The following HS3ST4 variants were observed in gnomAD, a reference collection of about 807,000 sequenced individuals.
HS3ST4 encodes the protein heparan sulfate glucosamine 3-O-sulfotransferase 4.
A neutral mutation model predicts 29.2 loss-of-function variants in HS3ST4; 17 were observed. That is an observed-to-expected ratio of 0.58 (90% CI 0.40 to 0.87). The LOEUF is 0.87. Among genes scored for constraint, HS3ST4 ranks in the 40% least tolerant of loss-of-function variants. The pLI is 0.00. For missense variants in HS3ST4, 627 were observed against 634.5 expected (o/e 0.99, Z 0.13); for synonymous variants, 314 against 285.7 (o/e 1.10, Z -1.00).
chr16:25,778,093 T>C (rs1007101038), intron 1 of HS3ST4, among the ~76,000 whole-genome samples: 2 of 152,108 alleles, frequency 1.3e-5, no homozygotes, highest in African/African-American at 4.8e-5. Flanking sequence ...TGCTGTTTGA[T>C]ATTTTAAAAA....
At chr16:25,928,379 A>G (rs1177431925) in intron 1 of HS3ST4, among the ~76,000 whole-genome samples, 2 of 152,086 alleles carry the variant, frequency 1.3e-5, no homozygotes, top group Non-Finnish European at 2.9e-5. Context: ...AAAAAATAAA[A>G]TAGAAGGAAA....
intron 1 of HS3ST4, among the ~76,000 whole-genome samples, chr16:25,960,010 C>T (rs1292752343): frequency 4.6e-5 from 7 of 152,048 alleles, no homozygotes; most frequent in African/African-American, 1.7e-4. Context: ...GTGTTGGGTG[C>T]CTGTAATCCC....
At chr16:25,823,869 C>A (rs1040722632) in intron 1 of HS3ST4, among the ~76,000 whole-genome samples, 4 of 152,162 alleles carry the variant, frequency 2.6e-5, no homozygotes, top group Non-Finnish European at 1.5e-5. Flanking sequence ...TGGCCTAAGG[C>A]CACTGTTTTT....
intron 1 of HS3ST4, among the ~76,000 whole-genome samples, chr16:26,110,285 C>A (rs1387168280): frequency 6.6e-6 from 1 of 152,102 alleles, no homozygotes; most frequent in East Asian, 1.9e-4. Context: ...ATATGGTATA[C>A]ATACATCACA....
At chr16:25,694,894 C>G (rs2141577817) in intron 1 of HS3ST4, among the ~76,000 whole-genome samples, 1 of 146,332 alleles carries the variant, frequency 6.8e-6, no homozygotes, top group South Asian at 2.2e-4. Context: ...AAACAGAGGG[C>G]CGGGGGTGTT....
chr16:25,862,450 C>G (rs1377949056), intron 1 of HS3ST4, among the ~76,000 whole-genome samples: 1 of 152,210 alleles, frequency 6.6e-6, no homozygotes, highest in Non-Finnish European at 1.5e-5. Flanking sequence ...GCCTGGGTCT[C>G]CCAAAGTGTT....
intron 1 of HS3ST4, among the ~76,000 whole-genome samples, chr16:26,056,543 G>A (rs1567303198): frequency 1.3e-5 from 2 of 152,212 alleles, no homozygotes; most frequent in Admixed American, 1.3e-4. Flanking sequence ...CAGCAAAGCT[G>A]TGTGTTTAGA....
chr16:26,002,418 C>T (rs963166835), intron 1 of HS3ST4, among the ~76,000 whole-genome samples: 8 of 151,972 alleles, frequency 5.3e-5, no homozygotes, highest in Non-Finnish European at 7.4e-5. Flanking sequence ...CCAAGTGGGG[C>T]GTAGTTGGAC....
chr16:25,889,621 C>G (rs1967987481), intron 1 of HS3ST4, among the ~76,000 whole-genome samples: 1 of 152,140 alleles, frequency 6.6e-6, no homozygotes. Context: ...TAGTGAGATT[C>G]TGCTTATGTC....
At chr16:25,754,484 C>T (rs909008381) in intron 1 of HS3ST4, among the ~76,000 whole-genome samples, 8 of 151,924 alleles carry the variant, frequency 5.3e-5, no homozygotes, top group African/African-American at 1.9e-4. Context: ...TCCACCTACC[C>T]ATCTGTACTA....
chr16:25,790,537 A>G (rs1966866997), intron 1 of HS3ST4, among the ~76,000 whole-genome samples: 2 of 152,368 alleles, frequency 1.3e-5, no homozygotes, highest in South Asian at 2.1e-4. Flanking sequence ...GATGTAACAC[A>G]TCTTCACCAG....
chr16:25,724,112 CAAAAAA>C (rs56115380), intron 1 of HS3ST4, among the ~76,000 whole-genome samples: 13 of 77,244 alleles, frequency 1.7e-4, no homozygotes, highest in African/African-American at 5.9e-4. Context: ...GACTCCATCT[CAAAAAA>C]AAAAAAAAAA....
chr16:25,851,806 G>T (rs1220717759), intron 1 of HS3ST4, among the ~76,000 whole-genome samples: 1 of 151,950 alleles, frequency 6.6e-6, no homozygotes, highest in African/African-American at 2.4e-5. Flanking sequence ...CTTCCAAAAG[G>T]CATCATTCTA....
At chr16:25,879,186 A>G (rs1429941905) in intron 1 of HS3ST4, among the ~76,000 whole-genome samples, 1 of 152,178 alleles carries the variant, frequency 6.6e-6, no homozygotes, top group Non-Finnish European at 1.5e-5. Flanking sequence ...CAATGAACCC[A>G]CAATTTAGGA....
At chr16:25,968,526 G>T (rs1445065882) in intron 1 of HS3ST4, among the ~76,000 whole-genome samples, 1 of 152,056 alleles carries the variant, frequency 6.6e-6, no homozygotes, top group African/African-American at 2.4e-5. Context: ...TTTCCTGTGT[G>T]TTTCTATTTT....
chr16:25,934,582 G>A (rs1968500528), intron 1 of HS3ST4, among the ~76,000 whole-genome samples: 2 of 152,186 alleles, frequency 1.3e-5, no homozygotes, highest in African/African-American at 4.8e-5. Flanking sequence ...TGCATATAAA[G>A]GCATCTGGAT....
intron 1 of HS3ST4, among the ~76,000 whole-genome samples, chr16:25,694,895 C>G (rs936385071): frequency 6.9e-6 from 1 of 144,948 alleles, no homozygotes; most frequent in Non-Finnish European, 1.5e-5. Context: ...AACAGAGGGC[C>G]GGGGGTGTTT....
chr16:25,865,655 C>A (rs934104029), intron 1 of HS3ST4, among the ~76,000 whole-genome samples: 2 of 152,104 alleles, frequency 1.3e-5, no homozygotes, highest in African/African-American at 4.8e-5. Flanking sequence ...ATAGAAAAAT[C>A]AGAAGTAAAT....
chr16:25,767,566 A>C (rs975450368), intron 1 of HS3ST4, among the ~76,000 whole-genome samples: 2 of 152,190 alleles, frequency 1.3e-5, no homozygotes, highest in Non-Finnish European at 2.9e-5. Flanking sequence ...GTTTTAGCTC[A>C]GATTCAACAA....
Sources: gnomAD v4.1 joint callset for allele counts (sites outside exome capture counted in the v4.1 genomes callset) on GRCh38, gnomAD v4.1.1 for gene constraint, MANE v1.5 for transcripts, NCBI Gene and HGNC (gene_info 2026-07-23, HGNC 2026-07-21) for gene names.